Variants in PDZD2 observed in about 807,000 individuals in gnomAD.
PDZD2 encodes the protein PDZ domain-containing protein 2.
PDZD2 carries 90 observed loss-of-function variants against 220.7 expected under a neutral mutation model. That is an observed-to-expected ratio of 0.41 (90% CI 0.34 to 0.49). PDZD2 has a LOEUF of 0.49. Ranked by LOEUF, PDZD2 falls within the 20% of genes least tolerant of loss-of-function variation. The pLI is 0.28. For missense variants in PDZD2, 3,174 were observed against 3,608.5 expected (o/e 0.88, Z 3.08); for synonymous variants, 1,375 against 1,450.5 (o/e 0.95, Z 1.18).
intron 2 of PDZD2, among the ~76,000 whole-genome samples, chr5:31,970,137 C>T (rs13181108): frequency 0.082 from 12,490 of 151,870 alleles, 891 homozygotes; most frequent in East Asian, 0.41. Context: ...TCAGGTGATC[C>T]GCCCACCTCG....
At chr5:31,881,179 A>G (rs2150336478) in intron 2 of PDZD2, among the ~76,000 whole-genome samples, 1 of 151,698 alleles carries the variant, frequency 6.6e-6, no homozygotes, top group South Asian at 2.1e-4. Flanking sequence ...CTGTTCATAA[A>G]TCTTTTTCTC....
chr5:31,882,129 T>G (rs949262412), intron 2 of PDZD2, among the ~76,000 whole-genome samples: 11 of 152,160 alleles, frequency 7.2e-5, no homozygotes, highest in Admixed American at 6.5e-4. Context: ...ACTGATAAAC[T>G]CTAGTGATTC....
At chr5:31,921,493 A>G (rs1744250783) in intron 2 of PDZD2, among the ~76,000 whole-genome samples, 1 of 152,038 alleles carries the variant, frequency 6.6e-6, no homozygotes, top group African/African-American at 2.4e-5. Flanking sequence ...AGACCAGCCT[A>G]GGCAGCATAG....
chr5:31,986,954 G>T (rs1383405558), intron 3 of PDZD2, among the ~76,000 whole-genome samples: 3 of 152,014 alleles, frequency 2.0e-5, no homozygotes, highest in Non-Finnish European at 4.4e-5. Context: ...TTAAAAAATG[G>T]TATTTTCTAT....
chr5:32,053,801 C>T lies in PDZD2; in HGVS notation c.1818C>T (p.Asp606=). ...GLGFSIAGGR[D]CIRGQMGIFV... is the part of the protein sequence containing the mutation. ...GCTTTAGTATTGCTGGAGGTCGAGA[C>T]TGCATTCGTGGACAGATGGGGATTT... The change falls in exon 10 of 25, where the codon GAC becomes GAT. Residue 606 remains aspartate (D), a synonymous_variant. Transcript: ENST00000438447. 1.2e-6 allele frequency: 2 copies of T among 1,612,846 alleles called. No homozygotes were observed. Among genetic ancestry groups the T allele is most frequent in the Non-Finnish European group, 1.7e-6 (2 of 1,178,844 alleles).
At chr5:31,755,385 C>T (rs1204645437) in intron 1 of PDZD2, among the ~76,000 whole-genome samples, 1 of 152,162 alleles carries the variant, frequency 6.6e-6, no homozygotes, top group African/African-American at 2.4e-5. Context: ...GCCATTTTAA[C>T]CGGCATTTCG....
chr5:31,929,245 C>G (rs1012689111), intron 2 of PDZD2, among the ~76,000 whole-genome samples: 2 of 152,142 alleles, frequency 1.3e-5, no homozygotes, highest in Non-Finnish European at 2.9e-5. Context: ...ATTTTCTGCC[C>G]CCTGTCAGCA....
chr5:32,101,218 G>T lies in PDZD2; in HGVS notation c.8332G>T (p.Val2778Phe). The T allele has an allele frequency of 6.2e-7, 1 of 1,613,612 alleles. No homozygotes were observed. The highest frequency in any genetic ancestry group is 8.5e-7 in the Non-Finnish European group (1 of 1,179,754). Reference sequence around the variant, plus strand: ...ATCGGTGACGGGAGATGGGCCCTTGGTCATTAAAAGAGTGTACAAAGGTAA... The same window carrying T: ...ATCGGTGACGGGAGATGGGCCCTTGTTCATTAAAAGAGTGTACAAAGGTAA... ...KSSVTGDGPLVIKRVYKGGAA... is the reference protein window; with the variant it reads ...KSSVTGDGPLFIKRVYKGGAA... Residue 2778 changes from valine (V) to phenylalanine (F), a missense_variant, in exon 24 of 25, where the codon GTC becomes TTC. Val to Phe is a conservative substitution (Grantham distance 50). Transcript: ENST00000438447.
chr5:31,929,934 C>T (rs1008792085), intron 2 of PDZD2, among the ~76,000 whole-genome samples: 6 of 152,138 alleles, frequency 3.9e-5, no homozygotes, highest in Non-Finnish European at 7.3e-5. Flanking sequence ...GGCTGAGCTC[C>T]AACCCTTTGG....
chr5:32,009,862 C>G (rs1376132044), intron 5 of PDZD2, among the ~76,000 whole-genome samples: 2 of 152,104 alleles, frequency 1.3e-5, no homozygotes, highest in African/African-American at 4.8e-5. Context: ...GAGGCTGAGG[C>G]AGGTAGATCA....
At chr5:31,943,437 T>C (rs571635207) in intron 2 of PDZD2, among the ~76,000 whole-genome samples, 2 of 152,276 alleles carry the variant, frequency 1.3e-5, no homozygotes, top group Admixed American at 6.5e-5. Context: ...CACATTGGTA[T>C]GGTAGGACCC....
At chr5:31,703,273 A>G (rs955411070) in intron 1 of PDZD2, among the ~76,000 whole-genome samples, 10 of 152,338 alleles carry the variant, frequency 6.6e-5, no homozygotes, top group African/African-American at 2.4e-4. Context: ...TGGCACATAT[A>G]CACCATAGAA....
chr5:32,047,544 A>G (rs779920626), intron 7 of PDZD2, among the ~76,000 whole-genome samples: 8 of 152,242 alleles, frequency 5.3e-5, no homozygotes, highest in Admixed American at 2.0e-4. Context: ...GAAAAAGAAG[A>G]AGAAAAAGAA....
chr5:31,763,586 TGAG>T (rs1751787219), intron 1 of PDZD2, among the ~76,000 whole-genome samples: 1 of 152,186 alleles, frequency 6.6e-6, no homozygotes, highest in Admixed American at 6.5e-5. Flanking sequence ...CGTGGAACAT[TGAG>T]AAGAAGAGAC....
chr5:31,841,030 G>T, intron 2 of PDZD2: 1 of 323,918 alleles, frequency 3.1e-6, no homozygotes, highest in Non-Finnish European at 5.6e-6. Flanking sequence ...GCCTCATTTT[G>T]GTTTACGTTT....
chr5:31,992,511 C>T, intron 3 of PDZD2, among the ~76,000 whole-genome samples: 1 of 152,048 alleles, frequency 6.6e-6, no homozygotes, highest in East Asian at 1.9e-4. Context: ...GTCACATGTC[C>T]TACTTCTAAA....
At chr5:31,847,503 T>C (rs1028367803) in intron 2 of PDZD2, 4 of 641,042 alleles carry the variant, frequency 6.2e-6, no homozygotes, top group African/African-American at 1.8e-5. Context: ...GCACAGCTTA[T>C]GCACACACTG....
At chr5:31,878,054 G>T (rs543302032) in intron 2 of PDZD2, among the ~76,000 whole-genome samples, 6 of 152,278 alleles carry the variant, frequency 3.9e-5, no homozygotes, top group African/African-American at 1.2e-4. Context: ...TATTTTCATA[G>T]AGTGATAAAT....
chr5:31,780,598 C>T (rs1341782706), intron 1 of PDZD2, among the ~76,000 whole-genome samples: 8 of 152,220 alleles, frequency 5.3e-5, no homozygotes, highest in Admixed American at 2.0e-4. Context: ...TTTATTGCTG[C>T]GAATCTCAGA....
Sources: allele counts gnomAD v4.1 joint callset (sites outside exome capture counted in the v4.1 genomes callset), GRCh38; gene constraint gnomAD v4.1.1; transcripts MANE v1.5; gene names NCBI Gene and HGNC (gene_info 2026-07-23, HGNC 2026-07-21).